ACYP2: variants seen among roughly 807,000 people sequenced by gnomAD.
ACYP2 encodes the protein acylphosphatase 2, also known as acylphosphatase-2.
A neutral mutation model predicts 11.2 loss-of-function variants in ACYP2; 12 were observed. The ratio of observed to expected loss-of-function variants is 1.08; its 90% CI spans 0.69 to 1.74. The LOEUF (loss-of-function observed/expected upper bound fraction) is 1.74. ACYP2 is among the 40% of genes most tolerant of loss of function. The pLI is 0.00. For missense variants in ACYP2, 134 were observed against 101.9 expected (o/e 1.31, Z -1.35); for synonymous variants, 43 against 32.2 (o/e 1.33, Z -1.13).
intron 6 of ACYP2, among the ~76,000 whole-genome samples, chr2:54,231,139 T>C (rs955510226): frequency 1.2e-4 from 18 of 152,098 alleles, no homozygotes; most frequent in African/African-American, 4.1e-4. Context: ...GCCAAACCAA[T>C]GTGTTTCTTA....
chr2:54,113,117 C>A (rs1161964322), intron 4 of ACYP2, among the ~76,000 whole-genome samples: 5 of 152,078 alleles, frequency 3.3e-5, no homozygotes, highest in African/African-American at 1.2e-4. Context: ...ACATATTGTC[C>A]TGTATGTTTT....
intron 4 of ACYP2, among the ~76,000 whole-genome samples, chr2:54,121,146 G>A (rs1176127759): frequency 6.6e-6 from 1 of 152,182 alleles, no homozygotes; most frequent in African/African-American, 2.4e-5. Flanking sequence ...GAGTGAACAA[G>A]GCAGAGAAGA....
intron 2 of ACYP2, among the ~76,000 whole-genome samples, chr2:54,002,432 A>C (rs1672844765): frequency 1.4e-5 from 2 of 146,144 alleles, no homozygotes; most frequent in South Asian, 2.1e-4. Context: ...TGCAACCTCC[A>C]CTTCTTGGGT....
intron 2 of ACYP2, among the ~76,000 whole-genome samples, chr2:54,017,021 G>A (rs760469584): frequency 1.4e-4 from 21 of 151,930 alleles, no homozygotes; most frequent in Non-Finnish European, 2.6e-4. Flanking sequence ...CTCCGCGCCC[G>A]GCCCTTCAGT....
chr2:54,285,782 ATCT>A (rs1342598845), intron 6 of ACYP2, among the ~76,000 whole-genome samples: 1 of 152,154 alleles, frequency 6.6e-6, no homozygotes, highest in South Asian at 2.1e-4. Flanking sequence ...AACATATATA[ATCT>A]TCCTCCTCTT....
chr2:54,232,090 T>C (rs1045109629), intron 6 of ACYP2, among the ~76,000 whole-genome samples: 1 of 152,180 alleles, frequency 6.6e-6, no homozygotes, highest in Non-Finnish European at 1.5e-5. Context: ...GGCTGTGGGA[T>C]GCAAATAACA....
intron 2 of ACYP2, among the ~76,000 whole-genome samples, chr2:54,019,910 G>A (rs1225513584): frequency 1.3e-5 from 2 of 151,980 alleles, no homozygotes; most frequent in African/African-American, 4.8e-5. Flanking sequence ...ATGAGCCACT[G>A]CACCTGGCCT....
At chr2:54,122,062 A>C (rs1680190164) in intron 4 of ACYP2, among the ~76,000 whole-genome samples, 1 of 152,232 alleles carries the variant, frequency 6.6e-6, no homozygotes, top group South Asian at 2.1e-4. Context: ...TTTATTCCAC[A>C]TAAGGAAAGC....
intron 6 of ACYP2, among the ~76,000 whole-genome samples, chr2:54,197,001 A>T (rs1196234078): frequency 2.0e-5 from 3 of 152,232 alleles, no homozygotes; most frequent in Admixed American, 6.5e-5. Flanking sequence ...CACAACACTG[A>T]GTTAAAACAG....
intron 4 of ACYP2, among the ~76,000 whole-genome samples, chr2:54,132,776 G>T (rs868641930): frequency 1.0e-4 from 14 of 139,378 alleles, no homozygotes; most frequent in South Asian, 2.2e-4. Context: ...ACTGAGTCTC[G>T]CTCTGTTGCC....
chr2:54,159,772 G>A (rs1368526250), intron 6 of ACYP2, among the ~76,000 whole-genome samples: 2 of 152,084 alleles, frequency 1.3e-5, no homozygotes, highest in Admixed American at 1.3e-4. Flanking sequence ...GAACAGGACA[G>A]GCCTTGCCTC....
chr2:54,152,980 G>T (rs1249311907), intron 6 of ACYP2, among the ~76,000 whole-genome samples: 3 of 151,986 alleles, frequency 2.0e-5, no homozygotes, highest in East Asian at 3.9e-4. Flanking sequence ...TCCAAGTTTT[G>T]TCAATTATGA....
chr2:54,062,903 C>G (rs901882555), intron 4 of ACYP2, among the ~76,000 whole-genome samples: 11 of 152,156 alleles, frequency 7.2e-5, no homozygotes, highest in African/African-American at 2.7e-4. Flanking sequence ...AGTAGACAGA[C>G]ATGACTTCTC....
intron 6 of ACYP2, among the ~76,000 whole-genome samples, chr2:54,205,093 C>G (rs1054357218): frequency 6.6e-6 from 1 of 152,198 alleles, no homozygotes; most frequent in African/African-American, 2.4e-5. Context: ...TTGCCTATCT[C>G]TCCATTCTGG....
At chr2:54,279,270 G>A (rs1439763682) in intron 6 of ACYP2, among the ~76,000 whole-genome samples, 1 of 152,126 alleles carries the variant, frequency 6.6e-6, no homozygotes, top group Admixed American at 6.5e-5. Flanking sequence ...AGTTGTACTG[G>A]AATACTGCCA....
chr2:53,997,331 A>G (rs951699502), intron 2 of ACYP2, among the ~76,000 whole-genome samples: 1 of 151,980 alleles, frequency 6.6e-6, no homozygotes, highest in Non-Finnish European at 1.5e-5. Context: ...TTTGAGACAG[A>G]GTTTTGTTCT....
At chr2:54,236,476 T>A (rs764991921) in intron 6 of ACYP2, among the ~76,000 whole-genome samples, 1 of 152,226 alleles carries the variant, frequency 6.6e-6, no homozygotes, top group Non-Finnish European at 1.5e-5. Context: ...AGTATATTTC[T>A]TAATTTATAA....
intron 6 of ACYP2, among the ~76,000 whole-genome samples, chr2:54,178,041 A>G (rs1683543099): frequency 6.6e-6 from 1 of 150,736 alleles, no homozygotes; most frequent in African/African-American, 2.4e-5. Flanking sequence ...AGTAGCTGGG[A>G]TTAAAGGTGC....
intron 4 of ACYP2, among the ~76,000 whole-genome samples, chr2:54,110,209 C>A (rs561550120): frequency 7.1e-4 from 108 of 152,264 alleles, no homozygotes; most frequent in Admixed American, 6.3e-3. Flanking sequence ...AGCTTCAAAA[C>A]TGTCACCATT....
Sources: gnomAD v4.1 joint callset for allele counts (sites outside exome capture counted in the v4.1 genomes callset) on GRCh38, gnomAD v4.1.1 for gene constraint, MANE v1.5 for transcripts, NCBI Gene and HGNC (gene_info 2026-07-23, HGNC 2026-07-21) for gene names.